The following ATRN variants were observed in gnomAD, a reference collection of about 807,000 sequenced individuals.
The protein encoded by ATRN is attractin, also known as attractin-2.
A neutral mutation model predicts 178.7 loss-of-function variants in ATRN; 54 were observed. The observed-to-expected ratio is 0.30, with a 90% CI of 0.24 to 0.38. The LOEUF is 0.38. ATRN is among the 10% of genes least tolerant of loss of function. The pLI is 1.00. For missense variants in ATRN, 1,443 were observed against 1,815.1 expected (o/e 0.79, Z 3.73); for synonymous variants, 636 against 663.0 (o/e 0.96, Z 0.63).
intron 6 of ATRN, among the ~76,000 whole-genome samples, chr20:3,557,363 A>G (rs1311874897): frequency 6.6e-6 from 1 of 152,216 alleles, no homozygotes; most frequent in Non-Finnish European, 1.5e-5. Context: ...CCGTAGCAAC[A>G]TTTTCAGTAC....
At chr20:3,547,573 C>A in intron 5 of ATRN, 84 bp downstream of exon 5, 1 of 1,079,450 alleles carries the variant, frequency 9.3e-7, no homozygotes, top group Non-Finnish European at 1.3e-6. Flanking sequence ...TTATTCTTAG[C>A]ACCTATATAA....
intron 10 of ATRN, among the ~76,000 whole-genome samples, chr20:3,563,701 C>T (rs1209141044): frequency 1.3e-5 from 2 of 152,130 alleles, no homozygotes; most frequent in Non-Finnish European, 2.9e-5. Flanking sequence ...CACGTATTAG[C>T]TTTATCTCAT....
At chr20:3,586,527 T>C (rs2086359734) in intron 18 of ATRN, among the ~76,000 whole-genome samples, 1 of 152,038 alleles carries the variant, frequency 6.6e-6, no homozygotes, top group Non-Finnish European at 1.5e-5. Flanking sequence ...TACAAAAGAT[T>C]ATGCATTGCA....
intron 1 of ATRN, among the ~76,000 whole-genome samples, chr20:3,492,166 G>GGTGTGT (rs1356396347): frequency 3.7e-5 from 2 of 53,720 alleles, no homozygotes; most frequent in Non-Finnish European, 7.0e-5. Flanking sequence ...TCTAGATAGG[G>GGTGTGT]GAGTGTGTGT....
chr20:3,562,113 CT>C (rs1289065145), intron 8 of ATRN, among the ~76,000 whole-genome samples, 162 bp from the exon 9 acceptor site: 4 of 152,140 alleles, frequency 2.6e-5, no homozygotes, highest in Non-Finnish European at 1.5e-5. Context: ...GGCCACATGG[CT>C]TTGTTATAAG....
At chr20:3,560,954 C>A (rs766254141) in intron 8 of ATRN, 49 bp downstream of exon 8, 1 of 1,585,288 alleles carries the variant, frequency 6.3e-7, no homozygotes, top group East Asian at 2.2e-5. Context: ...AGATTTAAAA[C>A]CTCTAAGCTT....
intron 18 of ATRN, among the ~76,000 whole-genome samples, chr20:3,586,063 A>T (rs373601892): frequency 1.3e-5 from 2 of 152,314 alleles, no homozygotes; most frequent in East Asian, 3.9e-4. Context: ...TACCCAAGAA[A>T]ATTGAAAACA....
In ATRN at chr20:3,471,054, G is replaced by C. The variant is rs766393963; in HGVS notation, c.-54G>C. On this transcript the variant is annotated 5_prime_UTR_variant, in exon 1 of 29. Coordinates refer to ENST00000262919, the MANE Select transcript of ATRN (RefSeq NM_139321.3). ...CCGCACGGCCAGGCGAAGCGGAGCC[G>C]GCCGTGCGGTGTGTGTGTATGTGTT... 2.1e-6 allele frequency: 3 copies of C among 1,451,774 alleles called. No individual in the cohort carries two copies. The highest frequency in any genetic ancestry group is 5.1e-5 in the Admixed American group (2 of 39,260). 89.9% of individuals were successfully genotyped at this position (1,451,774 alleles called of 1,614,324 possible). A position where few individuals can be genotyped will look rare whatever the true frequency, so the allele number is the denominator to read the frequency against.
At chr20:3,489,065 A>G (rs1364937096) in intron 1 of ATRN, among the ~76,000 whole-genome samples, 3 of 152,158 alleles carry the variant, frequency 2.0e-5, no homozygotes, top group Middle Eastern at 3.4e-3. Flanking sequence ...GGTTCAAGCA[A>G]TTCTCCTGCC....
chr20:3,629,855 T>C lies in ATRN; in HGVS notation c.3864-4456T>C, dbSNP rs550880738. The stretch of plus-strand genomic sequence containing the variant: ...AGGCATGGGGGTGGGTGAGCACAGC[T>C]CTTTCATGCCGTCTCTGGACAAGCC... On this transcript the variant is annotated intron_variant, in intron 25 of 28. Transcript: ENST00000262919. Among the ~76,000 whole-genome samples the C allele has an allele frequency of 2.6e-5, 4 of 152,322 alleles. No individual in the cohort carries two copies. The East Asian group carries it at 7.7e-4, about 29-fold the overall frequency.
chr20:3,642,303 C>T (rs2087075410), intron 27 of ATRN, among the ~76,000 whole-genome samples: 3 of 152,214 alleles, frequency 2.0e-5, no homozygotes, highest in Admixed American at 1.3e-4. Flanking sequence ...TCAGTGTCCC[C>T]ACTTGGATAT....
chr20:3,572,695 C>T, intron 11 of ATRN, 36 bp from the exon 12 acceptor site: 3 of 1,541,184 alleles, frequency 1.9e-6, no homozygotes, highest in Non-Finnish European at 2.7e-6. Flanking sequence ...TTATCTGAGT[C>T]TCTAGTAAAT....
intron 1 of ATRN, among the ~76,000 whole-genome samples, chr20:3,479,359 A>G (rs151557): frequency 0.25 from 38,524 of 152,072 alleles, 5,319 homozygotes; most frequent in African/African-American, 0.28. Flanking sequence ...ACAGCTACGT[A>G]CACAGCAATT....
At chr20:3,527,695 G>T (rs2085387318) in intron 1 of ATRN, among the ~76,000 whole-genome samples, 1 of 152,160 alleles carries the variant, frequency 6.6e-6, no homozygotes, top group Non-Finnish European at 1.5e-5. Flanking sequence ...TGATAGACTG[G>T]ATAAAGAAAA....
intron 1 of ATRN, among the ~76,000 whole-genome samples, chr20:3,497,957 AAAG>A (rs1436725197): frequency 2.0e-5 from 3 of 152,194 alleles, no homozygotes; most frequent in Non-Finnish European, 2.9e-5. Flanking sequence ...ATAAAGAAAA[AAAG>A]AAGAATCAAA....
intron 1 of ATRN, among the ~76,000 whole-genome samples, chr20:3,522,193 G>A (rs1412373237): frequency 6.6e-6 from 1 of 152,120 alleles, no homozygotes; most frequent in African/African-American, 2.4e-5. Context: ...GGAGAAATAA[G>A]GGAAATTAGA....
intron 1 of ATRN, among the ~76,000 whole-genome samples, chr20:3,497,685 T>G (rs1361117608): frequency 6.6e-6 from 1 of 152,134 alleles, no homozygotes; most frequent in Non-Finnish European, 1.5e-5. Flanking sequence ...GTTCTCTGTA[T>G]TTCCTGAATC....
intron 1 of ATRN, among the ~76,000 whole-genome samples, chr20:3,522,474 A>G (rs1600070194): frequency 6.6e-6 from 1 of 152,230 alleles, no homozygotes; most frequent in South Asian, 2.1e-4. Flanking sequence ...GGGAATGGGC[A>G]TCTGTGGGCA....
chr20:3,594,534 C>T lies in ATRN; in HGVS notation c.3378C>T (p.Phe1126=). The change falls in exon 20 of 29, where the codon TTC becomes TTT. Residue 1126 remains phenylalanine, a synonymous_variant. Coordinates refer to ENST00000262919, the MANE Select transcript of ATRN (RefSeq NM_139321.3). The part of the protein sequence containing the change: ...SLCNTNTGKC[F]CTTKGVKGDE... The stretch of plus-strand genomic sequence containing the variant: ...GCAACACCAACACGGGCAAGTGCTT[C>T]TGCACCACCAAGGGCGTCAAGGGGG... 1 of 1,612,666 alleles carries T rather than the reference C, an allele frequency of 6.2e-7. No individual in the cohort carries two copies. The highest frequency in any genetic ancestry group is 8.5e-7 in the Non-Finnish European group (1 of 1,178,996).
Sources: allele counts gnomAD v4.1 joint callset (sites outside exome capture counted in the v4.1 genomes callset), GRCh38; gene constraint gnomAD v4.1.1; transcripts MANE v1.5; gene names NCBI Gene and HGNC (gene_info 2026-07-23, HGNC 2026-07-21).